HMMR: variants seen among roughly 807,000 people sequenced by gnomAD.
HMMR encodes intracellular hyaluronic acid-binding protein.
A neutral mutation model predicts 101.0 loss-of-function variants in HMMR; 108 were observed. That is an observed-to-expected ratio of 1.07 (90% CI 0.92 to 1.25). The LOEUF is 1.25. Ranked by LOEUF, HMMR falls within the 50% of genes most tolerant of loss-of-function variation. The pLI, the probability that HMMR is intolerant of heterozygous loss-of-function variation, is 0.00. For synonymous variants in HMMR, 296 were observed against 276.4 expected, an observed-to-expected ratio of 1.07 and a Z score of -0.70; for missense variants, 813 against 788.7, an observed-to-expected ratio of 1.03 and a Z score of -0.37.
At position 163,464,793 on chromosome 5, in the gene HMMR, G is replaced by A. The variant is rs751047670; in HGVS notation, c.216G>A (p.Ser72=). 7 of 1,606,014 alleles carry A rather than the reference G, an allele frequency of 4.4e-6. No individual in the cohort carries two copies. Among genetic ancestry groups the A allele is most frequent in the East Asian group, 2.2e-5 (1 of 44,828 alleles). ...CTTCAGCTAGAAAAGTTAAGTCTTC[G>A]GAATCAAAGGTGAGGAGCTTTTATA... ...LPASARKVKS[S]ESKKESQKND... The change falls in exon 3 of 18, where the codon TCG becomes TCA. Residue 72 remains serine (S), a synonymous_variant. Coordinates refer to ENST00000393915, the MANE Select transcript of HMMR (RefSeq NM_001142556.2).
At chr5:163,472,689 T>C (rs1758936408) in intron 7 of HMMR, among the ~76,000 whole-genome samples, 2 of 152,198 alleles carry the variant, frequency 1.3e-5, no homozygotes, top group Admixed American at 6.5e-5. Flanking sequence ...ATGTTGACCT[T>C]ATTTTTATGT....
At chr5:163,478,582 T>G (rs968633958) in intron 11 of HMMR, 102 bp from the exon 12 acceptor site, 1 of 729,016 alleles carries the variant, frequency 1.4e-6, no homozygotes, top group Non-Finnish European at 2.5e-6. Flanking sequence ...GTGGTGAAGA[T>G]ATGAGCTATA....
At chr5:163,463,834 T>A (rs535313154) in intron 1 of HMMR, 22 bp from the exon 2 acceptor site, 2 of 966,924 alleles carry the variant, frequency 2.1e-6, no homozygotes, top group African/African-American at 3.5e-5. Flanking sequence ...GATAATATAT[T>A]AATGTTTTCT....
intron 16 of HMMR, among the ~76,000 whole-genome samples, chr5:163,488,590 G>A (rs1759566912): frequency 6.6e-6 from 1 of 152,130 alleles, no homozygotes; most frequent in South Asian, 2.1e-4. Context: ...TGCCTCTGAT[G>A]TTGCTGTTCA....
intron 16 of HMMR, among the ~76,000 whole-genome samples, chr5:163,484,942 G>C (rs1468846514): frequency 6.6e-6 from 1 of 152,150 alleles, no homozygotes; most frequent in Admixed American, 6.6e-5. Flanking sequence ...TTGTAGCATG[G>C]AGAGTACTTT....
intron 12 of HMMR, among the ~76,000 whole-genome samples, chr5:163,479,507 C>CA (rs983908420): frequency 3.3e-5 from 5 of 150,408 alleles, no homozygotes; most frequent in African/African-American, 7.3e-5. Flanking sequence ...CTTGTTTCTA[C>CA]AAAAAAAAAT....
intron 7 of HMMR, among the ~76,000 whole-genome samples, chr5:163,472,637 A>T (rs1031397912): frequency 9.9e-5 from 15 of 152,178 alleles, no homozygotes; most frequent in African/African-American, 3.6e-4. Flanking sequence ...TCTACTAGGT[A>T]GGAAGTGGTA....
intron 12 of HMMR, among the ~76,000 whole-genome samples, chr5:163,482,164 G>A (rs184130922): frequency 2.0e-5 from 3 of 152,182 alleles, no homozygotes; most frequent in Admixed American, 2.0e-4. Flanking sequence ...TGATCCACCC[G>A]TCTCGGCCTC....
At position 163,460,697 on chromosome 5, in the gene HMMR, C is replaced by G. The variant is rs1758491179; in HGVS notation, c.5C>G (p.Ser2Cys). 2 of 1,606,510 alleles carry G rather than the reference C, an allele frequency of 1.2e-6. No homozygotes were observed. The highest frequency in any genetic ancestry group is 4.5e-5 in the East Asian group (2 of 44,732). Residue 2 changes from serine to cysteine, a missense_variant, in exon 1 of 18, where the codon TCC (serine) becomes TGC (cysteine). Coordinates refer to ENST00000393915, the MANE Select transcript of HMMR (RefSeq NM_001142556.2). ...TTTCTGGAGCTGGCCGTCAACATGT[C>G]CTTTCCTAAGGCGCCCTTGAAACGA... is the stretch of plus-strand genomic sequence containing the variant. M[S>C]FPKAPLKRFN...
Position 163,473,494 on chromosome 5 carries a change from G to C in HMMR, c.841G>C (p.Val281Leu). Residue 281 changes from valine (V) to leucine (L), a missense_variant, in exon 9 of 18, where the codon GTT (valine) becomes CTT (leucine). Transcript: ENST00000393915. ...TAAGCAGTCTCTTGAGGAGAATATT[G>C]TTATATTATCTAAACAAGTAGAAGA... is the stretch of plus-strand genomic sequence containing the variant. ...SLKQSLEENIVILSKQVEDLN... is the reference protein window; with the variant it reads ...SLKQSLEENILILSKQVEDLN... The C allele has an allele frequency of 6.3e-7, 1 of 1,596,664 alleles. No individual in the cohort carries two copies.
At chr5:163,470,375 G>A (rs555199496) in intron 5 of HMMR, among the ~76,000 whole-genome samples, 2 of 152,018 alleles carry the variant, frequency 1.3e-5, no homozygotes, top group African/African-American at 4.8e-5. Context: ...TAATTCCAGC[G>A]CTTTGGGAAG....
chr5:163,471,539 T>A, intron 7 of HMMR, 76 bp downstream of exon 7: 2 of 951,796 alleles, frequency 2.1e-6, no homozygotes, highest in Non-Finnish European at 3.3e-6. Context: ...AATTATTGTT[T>A]ACTGAGACTT....
chr5:163,487,145 T>C (rs1020078886), intron 16 of HMMR, among the ~76,000 whole-genome samples: 1 of 152,236 alleles, frequency 6.6e-6, no homozygotes, highest in Non-Finnish European at 1.5e-5. Flanking sequence ...TTGTTGAGCA[T>C]TTTTATATGA....
intron 16 of HMMR, chr5:163,489,343 G>C (rs898440048): frequency 6.6e-6 from 1 of 152,254 alleles, no homozygotes; most frequent in Non-Finnish European, 1.5e-5. Flanking sequence ...GCACCCTTAG[G>C]CTTCAGCTTC....
intron 16 of HMMR, among the ~76,000 whole-genome samples, chr5:163,484,759 C>T (rs1759415436): frequency 6.6e-6 from 1 of 152,092 alleles, no homozygotes; most frequent in South Asian, 2.1e-4. Context: ...TAACACTCTC[C>T]TATCTCCTCA....
intron 16 of HMMR, chr5:163,489,128 A>G (rs1759587060): frequency 6.6e-6 from 1 of 152,286 alleles, no homozygotes; most frequent in African/African-American, 2.4e-5. Context: ...CATGCAGCCT[A>G]GATCCCTCAC....
At position 163,467,747 on chromosome 5, in the gene HMMR, A is replaced by G. The variant is rs1758747606; in HGVS notation, c.272A>G (p.Glu91Gly). The G allele has an allele frequency of 2.7e-6, 4 of 1,492,550 alleles. No homozygotes were observed. The East Asian group carries it at 6.8e-5, about 25-fold the overall frequency. 92.5% of individuals were successfully genotyped at this position (1,492,550 alleles called of 1,614,324 possible). Residue 91 changes from glutamate (E) to glycine (G), a missense_variant and splice_region_variant, in exon 4 of 18, where the codon GAG becomes GGG. Physicochemically the swap from Glu to Gly is moderately conservative, Grantham distance 98. Transcript: ENST00000393915. ...NDKDLKILEK[E>G]IRVLLQERGA... ...AAAGATTTGAAGATATTAGAGAAAG[A>G]GGTAAGCAGTGCTTTAAACTTAGTG...
Position 163,490,638 on chromosome 5 carries a change from G to C in HMMR, c.2125+86G>C, listed in dbSNP as rs867390672. 5.9e-5 allele frequency: 60 copies of C among 1,021,690 alleles called. No individual in the cohort carries two copies. In the African/African-American group the frequency reaches 9.3e-4, roughly 16 times the overall value. 63.3% of individuals were successfully genotyped at this position (1,021,690 alleles called of 1,614,324 possible). On this transcript the variant is annotated intron_variant, in intron 17 of 17. Transcript: ENST00000393915. ...TAGCAAGTCATCCATTTTATGAACT[G>C]TGAAAATTTGTTGACACCTTCTGAT...
intron 11 of HMMR, among the ~76,000 whole-genome samples, chr5:163,478,082 T>C (rs903309064): frequency 2.6e-5 from 4 of 152,200 alleles, no homozygotes; most frequent in Non-Finnish European, 5.9e-5. Context: ...CTAAAAATTT[T>C]ATCACCACTT....
Sources: allele counts gnomAD v4.1 joint callset (sites outside exome capture counted in the v4.1 genomes callset), GRCh38; gene constraint gnomAD v4.1.1; transcripts MANE v1.5; gene names NCBI Gene and HGNC (gene_info 2026-07-23, HGNC 2026-07-21).